SNX10: variants seen among roughly 807,000 people sequenced by gnomAD.
SNX10 encodes the protein sorting nexin-10.
In SNX10, 25 loss-of-function variants were observed where a neutral mutation model predicts 28.5. The observed-to-expected ratio is 0.88, with a 90% CI of 0.64 to 1.22. The LOEUF is 1.22. Ranked by LOEUF, SNX10 falls within the 50% of genes most tolerant of loss-of-function variation. The pLI is 0.00. For synonymous variants in SNX10, 62 were observed against 81.4 expected (o/e 0.76, Z 1.28); for missense variants, 223 against 242.6 (o/e 0.92, Z 0.54).
intron 2 of SNX10, among the ~76,000 whole-genome samples, chr7:26,357,310 A>G (rs1788863602): frequency 7.0e-6 from 1 of 143,580 alleles, no homozygotes; most frequent in African/African-American, 2.6e-5. Context: ...AAAAAATAGT[A>G]GAAGAAAAGA....
At chr7:26,365,319 A>G (rs1789245948) in intron 5 of SNX10, among the ~76,000 whole-genome samples, 174 bp downstream of exon 5, 1 of 152,218 alleles carries the variant, frequency 6.6e-6, no homozygotes, top group African/African-American at 2.4e-5. Flanking sequence ...GGCTCACATC[A>G]TCTCGTACAT....
rs1789617721 is a variant in SNX10 at position 26,372,816 on chromosome 7, A to G, written c.*244A>G. On this transcript the variant is annotated 3_prime_UTR_variant, in exon 7 of 7. Transcript: ENST00000338523. ...CCTTTACAGGCAGACATTATTGGTA[A>G]ACAAGATCTTGCCCTCCAATGAAAT... 8.7e-6 allele frequency: 3 copies of G among 345,030 alleles called. No homozygotes were observed. Among genetic ancestry groups the G allele is most frequent in the South Asian group, 2.0e-4 (2 of 9,972 alleles). 21.4% of individuals were successfully genotyped at this position (345,030 alleles called of 1,614,324 possible). A position where few individuals can be genotyped will look rare whatever the true frequency, so the allele number is the denominator to read the frequency against.
At chr7:26,298,424 C>G (rs1442500128) in intron 1 of SNX10, among the ~76,000 whole-genome samples, 1 of 152,026 alleles carries the variant, frequency 6.6e-6, no homozygotes, top group Admixed American at 6.6e-5. Flanking sequence ...AACCTTTTTG[C>G]TTAGGTTTGT....
In SNX10 at chr7:26,353,459, T is replaced by TGGG. The variant is rs1554359899; in HGVS notation, c.24+6993_24+6994insGGG. ...ATGCTTTTTTTTTTTTTTTTTTTTT[T>TGGG]TGGTGGGGAGACAGAGTCTTGGTCT... is the stretch of plus-strand genomic sequence containing the variant. On this transcript the variant is annotated intron_variant, in intron 2 of 6. Coordinates refer to ENST00000338523, the MANE Select transcript of SNX10 (RefSeq NM_013322.3). 3.9e-4 allele frequency among the ~76,000 whole-genome samples: 23 copies of TGGG among 58,440 alleles called. 1 individual carries two copies. The East Asian group carries it at 4.1e-3, about 10-fold the overall frequency. The allele number at this position is 58,440 out of a possible 152,430, so 38.3% of individuals were successfully genotyped here. A position where few individuals can be genotyped will look rare whatever the true frequency, so the allele number is the denominator to read the frequency against.
chr7:26,340,812 G>C (rs1393451388), intron 1 of SNX10, among the ~76,000 whole-genome samples: 1 of 152,208 alleles, frequency 6.6e-6, no homozygotes, highest in Non-Finnish European at 1.5e-5. Flanking sequence ...TGTTGTCTAG[G>C]CTGGAGTGTA....
At chr7:26,295,066 A>G (rs903540831) in intron 1 of SNX10, among the ~76,000 whole-genome samples, 3 of 152,222 alleles carry the variant, frequency 2.0e-5, no homozygotes. Flanking sequence ...AAGTGATTCA[A>G]CTTTACTCAA....
intron 1 of SNX10, among the ~76,000 whole-genome samples, chr7:26,303,845 C>T (rs1242274875): frequency 1.3e-5 from 2 of 152,318 alleles, no homozygotes; most frequent in Non-Finnish European, 1.5e-5. Flanking sequence ...AAGCTGGTTT[C>T]ATTCTATGAC....
intron 6 of SNX10, 78 bp downstream of exon 6, chr7:26,372,111 A>C: frequency 5.6e-6 from 5 of 885,626 alleles, no homozygotes; most frequent in Non-Finnish European, 8.6e-6. Context: ...GTATAGATAT[A>C]TATACACACT....
intron 1 of SNX10, among the ~76,000 whole-genome samples, chr7:26,327,823 G>A (rs1187500625): frequency 1.4e-5 from 2 of 139,198 alleles, no homozygotes; most frequent in Admixed American, 1.6e-4. Flanking sequence ...TCCGCCTCCC[G>A]GGTTCACGCC....
At chr7:26,358,075 A>G (rs1464931910) in intron 2 of SNX10, among the ~76,000 whole-genome samples, 4 of 152,158 alleles carry the variant, frequency 2.6e-5, no homozygotes, top group African/African-American at 4.8e-5. Context: ...GAGAGGGAAG[A>G]AGTTTGCCAT....
intron 5 of SNX10, among the ~76,000 whole-genome samples, chr7:26,365,992 G>A (rs1789275169): frequency 1.3e-5 from 2 of 152,174 alleles, no homozygotes; most frequent in African/African-American, 2.4e-5. Flanking sequence ...GACAGTGTCT[G>A]GCATGCAGTG....
chr7:26,325,061 G>A (rs1787447091), intron 1 of SNX10, among the ~76,000 whole-genome samples: 1 of 151,682 alleles, frequency 6.6e-6, no homozygotes, highest in Non-Finnish European at 1.5e-5. Context: ...CTTTGAAGCT[G>A]TGATCATCCC....
intron 1 of SNX10, among the ~76,000 whole-genome samples, chr7:26,342,888 C>G (rs115983393): frequency 0.012 from 1,777 of 152,200 alleles, 34 homozygotes; most frequent in African/African-American, 0.04. Flanking sequence ...CTCACCGCAG[C>G]GTTGACCTCC....
chr7:26,362,219 T>C (rs1294982334), intron 3 of SNX10, among the ~76,000 whole-genome samples: 2 of 152,260 alleles, frequency 1.3e-5, no homozygotes, highest in Non-Finnish European at 1.5e-5. Flanking sequence ...GTTTTACTTA[T>C]AAGCTCACAC....
In SNX10 at chr7:26,322,371, G is replaced by T. The variant is rs560703954; in HGVS notation, c.-23-24049G>T. 2.6e-5 allele frequency among the ~76,000 whole-genome samples: 4 copies of T among 152,256 alleles called. No homozygotes were observed. The South Asian group carries it at 8.3e-4, about 32-fold the overall frequency. ...ACTCTCTGCCATTTTATAAAAGAAA[G>T]AATATTTTGTCACCCTCCCAAAATA... On this transcript the variant is annotated intron_variant, in intron 1 of 6. Coordinates refer to ENST00000338523, the MANE Select transcript of SNX10 (RefSeq NM_013322.3).
intron 1 of SNX10, among the ~76,000 whole-genome samples, chr7:26,318,669 G>C (rs890434827): frequency 6.6e-6 from 1 of 152,064 alleles, no homozygotes; most frequent in East Asian, 1.9e-4. Context: ...ATGGGGTTTT[G>C]CCATGTTGCC....
At chr7:26,332,234 T>G (rs1787775759) in intron 1 of SNX10, among the ~76,000 whole-genome samples, 1 of 152,222 alleles carries the variant, frequency 6.6e-6, no homozygotes, top group Non-Finnish European at 1.5e-5. Context: ...CTTTACCTCC[T>G]TGGCAGCATT....
intron 1 of SNX10, among the ~76,000 whole-genome samples, chr7:26,332,254 T>C (rs181268229): frequency 1.3e-5 from 2 of 152,320 alleles, no homozygotes; most frequent in East Asian, 3.9e-4. Flanking sequence ...TTGTTATTAT[T>C]TGACTTTTTA....
intron 1 of SNX10, among the ~76,000 whole-genome samples, chr7:26,339,151 C>T (rs1788071121): frequency 6.6e-6 from 1 of 152,162 alleles, no homozygotes; most frequent in Admixed American, 6.5e-5. Flanking sequence ...TGAATTCCTT[C>T]CCGAAGTTAG....
Sources: allele counts gnomAD v4.1 joint callset (sites outside exome capture counted in the v4.1 genomes callset), GRCh38; gene constraint gnomAD v4.1.1; transcripts MANE v1.5; gene names NCBI Gene and HGNC (gene_info 2026-07-23, HGNC 2026-07-21).